DNAJC24: variants seen among roughly 807,000 people sequenced by gnomAD.
DNAJC24 encodes dnaJ homolog subfamily C member 24.
A neutral mutation model predicts 18.0 loss-of-function variants in DNAJC24; 17 were observed. The ratio of observed to expected loss-of-function variants is 0.94; its 90% CI spans 0.65 to 1.42. The LOEUF (loss-of-function observed/expected upper bound fraction) is 1.42. Among genes scored for constraint, DNAJC24 ranks in the 40% most tolerant of loss-of-function variants. The pLI is 0.00. For synonymous variants in DNAJC24, 55 were observed against 57.7 expected (o/e 0.95, Z 0.21); for missense variants, 158 against 175.6 (o/e 0.90, Z 0.57).
At chr11:31,383,025 A>G (rs939572839) in intron 2 of DNAJC24, among the ~76,000 whole-genome samples, 5 of 152,210 alleles carry the variant, frequency 3.3e-5, no homozygotes, top group African/African-American at 1.2e-4. Flanking sequence ...TTTGAAGAAT[A>G]TAAATGAAGA....
At position 31,428,545 on chromosome 11, in the gene DNAJC24, T is replaced by C. The variant is rs192512932; in HGVS notation, c.320-1726T>C. On this transcript the variant is annotated intron_variant, in intron 4 of 4. Transcript: ENST00000465995. The stretch of plus-strand genomic sequence containing the variant: ...TTTAGGATCATTTGCAGAATAGCTA[T>C]GGAAAGTGAAGCTCCAGAACAGGAG... Among the ~76,000 whole-genome samples the C allele has an allele frequency of 2.2e-3, 332 of 152,272 alleles. 1 individual carries two copies. Among genetic ancestry groups the C allele is most frequent in the Non-Finnish European group, 3.5e-3 (236 of 68,020 alleles).
At chr11:31,371,481 A>G (rs149008858) in intron 2 of DNAJC24, among the ~76,000 whole-genome samples, 19 of 152,072 alleles carry the variant, frequency 1.2e-4, no homozygotes, top group South Asian at 8.3e-4. Context: ...TAAAGTTTCT[A>G]TCTCTTTCTC....
intron 2 of DNAJC24, among the ~76,000 whole-genome samples, chr11:31,404,158 A>C (rs1952630928): frequency 6.6e-6 from 1 of 152,142 alleles, no homozygotes; most frequent in Admixed American, 6.5e-5. Context: ...CCTTACTGCA[A>C]CCTGTTTTAT....
intron 3 of DNAJC24, among the ~76,000 whole-genome samples, chr11:31,424,635 C>G (rs755781094): frequency 6.6e-6 from 1 of 152,158 alleles, no homozygotes; most frequent in Non-Finnish European, 1.5e-5. Context: ...GATGGAGGAA[C>G]TATCTCTGAC....
Position 31,373,467 on chromosome 11 carries a change from C to G in DNAJC24, c.111+2608C>G, listed in dbSNP as rs1321036260. ...CTATTCTGTTTTATATGTTGTTTAT[C>G]CTTTTACTAATACCTCCATCTTGAT... On this transcript the variant is annotated intron_variant, in intron 2 of 4. Coordinates refer to ENST00000465995, the MANE Select transcript of DNAJC24 (RefSeq NM_181706.5). Among the ~76,000 whole-genome samples the G allele has an allele frequency of 3.0e-5, 4 of 134,996 alleles. 1 individual carries two copies. Among genetic ancestry groups the G allele is most frequent in the Non-Finnish European group, 6.9e-5 (4 of 58,362 alleles). 88.6% of individuals were successfully genotyped at this position (134,996 alleles called of 152,430 possible).
intron 3 of DNAJC24, among the ~76,000 whole-genome samples, chr11:31,422,875 C>T (rs184811974): frequency 6.6e-6 from 1 of 152,102 alleles, no homozygotes; most frequent in African/African-American, 2.4e-5. Context: ...TTGCTGTTGC[C>T]CCATCCTTGG....
intron 2 of DNAJC24, among the ~76,000 whole-genome samples, chr11:31,401,346 T>C (rs892095309): frequency 6.6e-6 from 1 of 152,174 alleles, no homozygotes; most frequent in Non-Finnish European, 1.5e-5. Context: ...ATTGCACAGC[T>C]TTACTGTCTT....
At position 31,431,051 on chromosome 11, in the gene DNAJC24, ACT is replaced by A. The variant is rs1952917635; in HGVS notation, c.*653_*654del. On this transcript the variant is annotated 3_prime_UTR_variant, in exon 5 of 5. Transcript: ENST00000465995. ...TTTCTTTTTTCTAAGACAGAGTCTCACTCTGTCGCGCCAGCTGGAGTGCAGTG... is the reference window on the plus strand; with the variant it reads ...TTTCTTTTTTCTAAGACAGAGTCTCACTGTCGCGCCAGCTGGAGTGCAGTG... The A allele has an allele frequency of 6.6e-6, 1 of 151,946 alleles. No individual in the cohort carries two copies. The highest frequency in any genetic ancestry group is 1.5e-5 in the Non-Finnish European group (1 of 67,986). The allele number at this position is 151,946 out of a possible 1,614,324, so 9.4% of individuals were successfully genotyped here.
intron 4 of DNAJC24, chr11:31,429,383 T>G: frequency 3.5e-6 from 1 of 288,824 alleles, no homozygotes; most frequent in South Asian, 3.0e-5. Flanking sequence ...GGAATGAAGA[T>G]ATTTGTATGA....
intron 2 of DNAJC24, among the ~76,000 whole-genome samples, chr11:31,385,861 A>G (rs1180285124): frequency 6.6e-6 from 1 of 152,192 alleles, no homozygotes; most frequent in African/African-American, 2.4e-5. Context: ...TAGGAAAGAC[A>G]GTCTTTAATC....
chr11:31,378,653 TG>T (rs1952344080), intron 2 of DNAJC24, among the ~76,000 whole-genome samples: 1 of 151,948 alleles, frequency 6.6e-6, no homozygotes, highest in Admixed American at 6.6e-5. Context: ...ACCTTTCCAG[TG>T]GTTTTTTTTT....
intron 2 of DNAJC24, among the ~76,000 whole-genome samples, chr11:31,406,296 G>T (rs930799077): frequency 1.1e-4 from 17 of 152,182 alleles, no homozygotes; most frequent in Admixed American, 9.8e-4. Context: ...GAGAGAAAAG[G>T]CACTTAAGTG....
At chr11:31,408,005 C>T in intron 2 of DNAJC24, 1 of 434,672 alleles carries the variant, frequency 2.3e-6, no homozygotes, top group South Asian at 1.7e-5. Flanking sequence ...TCAATACAAA[C>T]AGTGGAATGA....
intron 2 of DNAJC24, among the ~76,000 whole-genome samples, chr11:31,390,863 T>A (rs1339317623): frequency 6.6e-6 from 1 of 152,196 alleles, no homozygotes; most frequent in Non-Finnish European, 1.5e-5. Flanking sequence ...AAATTCGTTC[T>A]ACAAGGCCAT....
chr11:31,392,178 G>A (rs929555565), intron 2 of DNAJC24, among the ~76,000 whole-genome samples: 1 of 152,062 alleles, frequency 6.6e-6, no homozygotes, highest in East Asian at 1.9e-4. Context: ...TGAGTAAGAT[G>A]TATTTGATAG....
chr11:31,432,327 A>T lies in DNAJC24; in HGVS notation c.*1926A>T. ...TTTTGGGTTACATTTTTATCCATAT[A>T]TTTTGAACTAACAGAACTTGGCAGA... is the stretch of plus-strand genomic sequence containing the variant. On this transcript the variant is annotated 3_prime_UTR_variant, in exon 5 of 5. Transcript: ENST00000465995. 1.9e-6 allele frequency: 1 copy of T among 526,148 alleles called. No individual in the cohort carries two copies. Among genetic ancestry groups the T allele is most frequent in the Non-Finnish European group, 3.4e-6 (1 of 292,770 alleles). The allele number at this position is 526,148 out of a possible 1,614,324, so 32.6% of individuals were successfully genotyped here.
At chr11:31,370,557 A>G (rs185822772) in intron 1 of DNAJC24, among the ~76,000 whole-genome samples, 159 bp from the exon 2 acceptor site, 4 of 152,118 alleles carry the variant, frequency 2.6e-5, no homozygotes, top group Non-Finnish European at 5.9e-5. Context: ...TATACCTGGA[A>G]TTCTTGGGGC....
At chr11:31,380,756 A>G (rs962803705) in intron 2 of DNAJC24, among the ~76,000 whole-genome samples, 5 of 152,184 alleles carry the variant, frequency 3.3e-5, no homozygotes, top group African/African-American at 1.2e-4. Context: ...AATCAACACC[A>G]TATCAAGATA....
At chr11:31,397,946 G>A (rs1322162065) in intron 2 of DNAJC24, among the ~76,000 whole-genome samples, 1 of 152,034 alleles carries the variant, frequency 6.6e-6, no homozygotes, top group Admixed American at 6.6e-5. Context: ...GAGATTACAG[G>A]AGCGTGCCAC....
Sources: gnomAD v4.1 joint callset for allele counts (sites outside exome capture counted in the v4.1 genomes callset) on GRCh38, gnomAD v4.1.1 for gene constraint, MANE v1.5 for transcripts, NCBI Gene and HGNC (gene_info 2026-07-23, HGNC 2026-07-21) for gene names.